The following MAOB variants were observed in gnomAD, a reference collection of about 807,000 sequenced individuals.
The protein encoded by MAOB is monoamine oxidase B, also known as amine oxidase [flavin-containing] B.
A neutral mutation model predicts 41.9 loss-of-function variants in MAOB; 15 were observed. The ratio of observed to expected loss-of-function variants is 0.36; its 90% confidence interval spans 0.24 to 0.55. The LOEUF (loss-of-function observed/expected upper bound fraction) is 0.55, where lower values mean the gene tolerates loss of function less well. Ranked by LOEUF, MAOB falls within the 20% of genes least tolerant of loss-of-function variation. The pLI is 0.86. For synonymous variants in MAOB, 167 were observed against 144.2 expected (o/e 1.16, Z -1.13); for missense variants, 345 against 398.7 (o/e 0.87, Z 1.15).
chrX:43,787,173 C>A (rs2034411061), intron 8 of MAOB, among the ~76,000 whole-genome samples: 1 of 111,214 alleles, frequency 9.0e-6, no homozygotes. Context: ...AAAGTGCTAA[C>A]TTTCTCAGAG....
intron 1 of MAOB, among the ~76,000 whole-genome samples, chrX:43,875,819 A>C (rs1190291239): frequency 8.9e-6 from 1 of 111,944 alleles, no homozygotes; most frequent in South Asian, 3.8e-4. Context: ...TTCAAGTACC[A>C]AGAAAAATTG....
In MAOB at chrX:43,781,470, CT is replaced by C; in HGVS notation, c.1002del (p.Gly335AlafsTer6). On this transcript the variant is annotated frameshift_variant, in exon 9 of 15. Coordinates refer to ENST00000378069, the MANE Select transcript of MAOB (RefSeq NM_000898.5). LOFTEE classifies it high-confidence loss of function. ...VAYTLDDTKP[E>X]GNYAAIMGFI... The stretch of plus-strand genomic sequence containing the variant: ...TACCCCATTATGGCAGCATAGTTGC[CT>C]TCAGGTTTGGTATCATCCAACGTGT... The C allele has an allele frequency of 8.4e-7, 1 of 1,193,912 alleles. No homozygotes were observed. Among genetic ancestry groups the C allele is most frequent in the Non-Finnish European group, 1.1e-6 (1 of 884,719 alleles).
chrX:43,851,694 G>T (rs1003715516), intron 1 of MAOB, among the ~76,000 whole-genome samples: 1 of 111,456 alleles, frequency 9.0e-6, no homozygotes, highest in South Asian at 3.8e-4. Flanking sequence ...TTATGAAGAG[G>T]GTTAGAAGTC....
intron 9 of MAOB, 137 bp from the exon 10 acceptor site, chrX:43,780,532 C>T (rs375269316): frequency 4.5e-5 from 18 of 397,595 alleles, no homozygotes; most frequent in East Asian, 7.8e-5. Context: ...GCTTTTCTTA[C>T]GTTCAAAGTT....
chrX:43,841,871 A>G (rs141344374), intron 2 of MAOB, among the ~76,000 whole-genome samples: 493 of 112,072 alleles, frequency 4.4e-3, no homozygotes, highest in Non-Finnish European at 8.0e-3. Context: ...GAAGAATAAA[A>G]GTAGTCCCTT....
At position 43,796,026 on chromosome X, in the gene MAOB, T is replaced by C. The variant is rs747005050; in HGVS notation, c.619-138A>G. ...CAGTGAATAGTGGCTTTCACCATGG[T>C]TTTCTAAGTAGGAATTGCTGTCTTT... On this transcript the variant is annotated intron_variant, in intron 6 of 14. Coordinates refer to ENST00000378069, the MANE Select transcript of MAOB (RefSeq NM_000898.5). 7.9e-6 allele frequency: 5 copies of C among 634,431 alleles called. No individual in the cohort carries two copies. The East Asian group carries it at 1.1e-4, about 14-fold the overall frequency. The allele number at this position is 634,431 out of a possible 1,213,427, so 52.3% of individuals were successfully genotyped here. A position where few individuals can be genotyped will look rare whatever the true frequency, so the allele number is the denominator to read the frequency against.
intron 1 of MAOB, among the ~76,000 whole-genome samples, chrX:43,848,554 T>A (rs991725662): frequency 9.9e-5 from 11 of 110,838 alleles, no homozygotes. Flanking sequence ...TTTGTTTTAG[T>A]TTTGTTTTGT....
At chrX:43,811,645 G>T (rs1403196600) in intron 3 of MAOB, among the ~76,000 whole-genome samples, 1 of 111,938 alleles carries the variant, frequency 8.9e-6, no homozygotes, top group African/African-American at 3.2e-5. Context: ...TCTTCTGTTC[G>T]TGTGCCTATT....
At chrX:43,853,267 C>CAAAAAAAA (rs397957481) in intron 1 of MAOB, among the ~76,000 whole-genome samples, 4 of 26,444 alleles carry the variant, frequency 1.5e-4, no homozygotes, top group African/African-American at 3.1e-4. Flanking sequence ...GAGTCCGTCT[C>CAAAAAAAA]AAAAAAAAAA....
Position 43,795,824 on chromosome X carries a change from C to A in MAOB, c.683G>T (p.Arg228Leu). 8.3e-7 allele frequency: 1 copy of A among 1,210,509 alleles called. No homozygotes were observed. The change falls in exon 7 of 15, where the codon CGA becomes CTA. Residue 228 changes from arginine (R) to leucine (L), a missense_variant. Transcript: ENST00000378069. Reference protein sequence around the residue: ...SERIMDLLGDRVKLERPVIYI... With the variant: ...SERIMDLLGDLVKLERPVIYI... ...GATCACAGGCCTCTCCAGCTTCACT[C>A]GGTCTCCAAGGAGGTCCATTATCCG...
chrX:43,849,389 A>G (rs1195334557), intron 1 of MAOB, among the ~76,000 whole-genome samples: 1 of 112,525 alleles, frequency 8.9e-6, no homozygotes, highest in Non-Finnish European at 1.9e-5. Flanking sequence ...ACAGTGAAAC[A>G]TTGCAAATCT....
intron 3 of MAOB, chrX:43,838,021 T>G: frequency 3.0e-6 from 1 of 329,185 alleles, no homozygotes; most frequent in Non-Finnish European, 5.9e-6. Flanking sequence ...CAGTGAGAAA[T>G]CCTCAGGGGA....
At chrX:43,812,205 A>G (rs1434424083) in intron 3 of MAOB, among the ~76,000 whole-genome samples, 1 of 112,430 alleles carries the variant, frequency 8.9e-6, no homozygotes, top group Non-Finnish European at 1.9e-5. Flanking sequence ...ATAGTACTTC[A>G]TAGTGTATAT....
chrX:43,802,355 T>A, intron 4 of MAOB, 92 bp from the exon 5 acceptor site: 1 of 599,965 alleles, frequency 1.7e-6, no homozygotes, highest in South Asian at 3.0e-5. Context: ...TAAATAACTA[T>A]TCAAATAGTA....
chrX:43,778,629 G>A, intron 11 of MAOB, 53 bp downstream of exon 11: 1 of 1,001,756 alleles, frequency 1.0e-6, no homozygotes, highest in Non-Finnish European at 1.4e-6. Context: ...CTAGTCACTT[G>A]GGGACAAAGA....
At chrX:43,793,730 T>A in intron 7 of MAOB, 152 bp from the exon 8 acceptor site, 1 of 458,800 alleles carries the variant, frequency 2.2e-6, no homozygotes, top group South Asian at 4.2e-5. Flanking sequence ...TTATTGTTCC[T>A]TAGTTCAAAA....
Position 43,797,128 on chromosome X carries a change from T to A in MAOB, c.615A>T (p.Gly205=), listed in dbSNP as rs141358909. Residue 205 remains glycine, a synonymous_variant, in exon 6 of 15, where the codon GGA becomes GGT. Coordinates refer to ENST00000378069, the MANE Select transcript of MAOB (RefSeq NM_000898.5). The part of the protein sequence containing the change: ...TTRIISTTNG[G]QERKFVGGSG... Reference sequence around the variant, plus strand: ...CTGTGGAAGAATGGATGGGTACCTGTCCTCCATTTGTTGTCGAGATGATTC... The same window carrying A: ...CTGTGGAAGAATGGATGGGTACCTGACCTCCATTTGTTGTCGAGATGATTC... 5.0e-6 allele frequency: 6 copies of A among 1,204,958 alleles called. No individual in the cohort carries two copies. In the African/African-American group the frequency reaches 1.1e-4, roughly 21 times the overall value.
intron 3 of MAOB, among the ~76,000 whole-genome samples, chrX:43,804,019 G>C (rs1455559895): frequency 9.0e-6 from 1 of 111,098 alleles, no homozygotes; most frequent in African/African-American, 3.3e-5. Flanking sequence ...GGGATACCTC[G>C]ACACAGAAAT....
intron 5 of MAOB, among the ~76,000 whole-genome samples, chrX:43,799,192 T>C (rs2034564385): frequency 8.9e-6 from 1 of 112,176 alleles, no homozygotes; most frequent in Non-Finnish European, 1.9e-5. Context: ...TGGTGTCATA[T>C]ATACATTAAA....
Sources: gnomAD v4.1 joint callset for allele counts (sites outside exome capture counted in the v4.1 genomes callset) on GRCh38, gnomAD v4.1.1 for gene constraint, MANE v1.5 for transcripts, NCBI Gene and HGNC (gene_info 2026-07-23, HGNC 2026-07-21) for gene names.